The following FNDC3A variants were observed in gnomAD, a reference collection of about 807,000 sequenced individuals.
FNDC3A encodes fibronectin type-III domain-containing protein 3A.
FNDC3A carries 32 observed loss-of-function variants against 148.9 expected under a neutral mutation model. That is an observed-to-expected ratio of 0.21 (90% CI 0.16 to 0.29). The LOEUF (loss-of-function observed/expected upper bound fraction) is 0.29, where lower values mean the gene tolerates loss of function less well. Among genes scored for constraint, FNDC3A ranks in the 10% least tolerant of loss-of-function variants. The probability of loss-of-function intolerance (pLI) is 1.00; values close to 1 mark genes in which losing one functional copy is unlikely to be tolerated. For missense variants in FNDC3A, 1,191 were observed against 1,452.8 expected (o/e 0.82, Z 2.93); for synonymous variants, 472 against 473.6 (o/e 1.00, Z 0.04).
Position 49,145,839 on chromosome 13 carries a change from A to G in FNDC3A, c.881A>G (p.Asn294Ser), listed in dbSNP as rs765196205. ...TGGTCACCACCTTCCAGCCTCATTAATGGTGAAACAGATGAAAGTAGTGTA... is the reference window on the plus strand; with the variant it reads ...TGGTCACCACCTTCCAGCCTCATTAGTGGTGAAACAGATGAAAGTAGTGTA... ...LTWSPPSSLI[N>S]GETDESSVPE... Residue 294 changes from asparagine to serine, a missense_variant, in exon 8 of 26, where the codon AAT (asparagine) becomes AGT (serine). Coordinates refer to ENST00000492622, the MANE Select transcript of FNDC3A (RefSeq NM_001079673.2). 13 of 1,613,598 alleles carry G rather than the reference A, an allele frequency of 8.1e-6. No homozygotes were observed. The Middle Eastern group carries it at 8.2e-4, about 102-fold the overall frequency.
intron 8 of FNDC3A, among the ~76,000 whole-genome samples, chr13:49,155,195 C>T (rs1208935307): frequency 6.6e-6 from 1 of 151,944 alleles, no homozygotes; most frequent in Non-Finnish European, 1.5e-5. Flanking sequence ...ACAATTTCAG[C>T]TCCTGTTATT....
In FNDC3A at chr13:49,200,698, G is replaced by A. The variant is rs530232486; in HGVS notation, c.2988-1102G>A. On this transcript the variant is annotated intron_variant, in intron 23 of 25. Transcript: ENST00000492622. Reference sequence around the variant, plus strand: ...CTAGCATCTAGAGAATTGTTATGGGGTATGAATATGGCTCATGGCCTTTGG... The same window carrying A: ...CTAGCATCTAGAGAATTGTTATGGGATATGAATATGGCTCATGGCCTTTGG... Among the ~76,000 whole-genome samples, 157 of 152,086 alleles carry A rather than the reference G, an allele frequency of 1.0e-3. 1 individual carries two copies. The highest frequency in any genetic ancestry group is 3.6e-3 in the African/African-American group (148 of 41,514).
At chr13:49,160,472 T>C (rs1266921730) in intron 8 of FNDC3A, among the ~76,000 whole-genome samples, 1 of 152,218 alleles carries the variant, frequency 6.6e-6, no homozygotes, top group African/African-American at 2.4e-5. Flanking sequence ...ATATCCCCTT[T>C]ATCATTTTTT....
intron 2 of FNDC3A, among the ~76,000 whole-genome samples, chr13:49,018,340 A>T (rs1017819610): frequency 6.6e-6 from 1 of 151,826 alleles, no homozygotes; most frequent in African/African-American, 2.4e-5. Context: ...TTCTCGCTTC[A>T]TTTCATTCAC....
At chr13:49,055,259 A>G (rs1382459170) in intron 2 of FNDC3A, among the ~76,000 whole-genome samples, 1 of 152,006 alleles carries the variant, frequency 6.6e-6, no homozygotes, top group East Asian at 1.9e-4. Flanking sequence ...ATGCACCACT[A>G]CACCCAGCTA....
At chr13:49,190,819 T>C (rs1024811619) in intron 17 of FNDC3A, among the ~76,000 whole-genome samples, 196 bp from the exon 18 acceptor site, 1 of 152,254 alleles carries the variant, frequency 6.6e-6, no homozygotes, top group African/African-American at 2.4e-5. Flanking sequence ...TCTTTCTTTG[T>C]CTATGAAAAT....
chr13:49,018,248 G>A (rs368611262), intron 2 of FNDC3A, among the ~76,000 whole-genome samples: 35 of 152,148 alleles, frequency 2.3e-4, no homozygotes, highest in Non-Finnish European at 4.7e-4. Flanking sequence ...CCAATCAGAC[G>A]TAGATTTGGT....
intron 3 of FNDC3A, among the ~76,000 whole-genome samples, chr13:49,112,700 A>G (rs528710564): frequency 6.6e-6 from 1 of 152,280 alleles, no homozygotes; most frequent in South Asian, 2.1e-4. Context: ...TCCCACTTCT[A>G]CCACTTGGGG....
chr13:49,030,646 TA>T (rs1874043582), intron 2 of FNDC3A, among the ~76,000 whole-genome samples: 1 of 152,276 alleles, frequency 6.6e-6, no homozygotes, highest in East Asian at 1.9e-4. Context: ...TTGGAACTAA[TA>T]AACAAGTTCA....
At chr13:49,101,364 C>T (rs1879845779) in intron 3 of FNDC3A, among the ~76,000 whole-genome samples, 2 of 152,100 alleles carry the variant, frequency 1.3e-5, no homozygotes, top group African/African-American at 2.4e-5. Flanking sequence ...CACTTTAATA[C>T]TGCCACAAGA....
intron 5 of FNDC3A, among the ~76,000 whole-genome samples, chr13:49,131,771 G>A (rs1882051380): frequency 6.6e-6 from 1 of 152,150 alleles, no homozygotes; most frequent in Non-Finnish European, 1.5e-5. Flanking sequence ...AACAGGATAA[G>A]CCATAACCTC....
At chr13:49,098,971 A>G (rs1879697209) in intron 3 of FNDC3A, among the ~76,000 whole-genome samples, 1 of 152,116 alleles carries the variant, frequency 6.6e-6, no homozygotes, top group African/African-American at 2.4e-5. Flanking sequence ...GTGAGTTCCT[A>G]GATCAAGGCT....
At chr13:49,060,150 A>G (rs948882738) in intron 2 of FNDC3A, among the ~76,000 whole-genome samples, 2 of 152,222 alleles carry the variant, frequency 1.3e-5, no homozygotes, top group East Asian at 1.9e-4. Context: ...TTATTCCACA[A>G]GTACTATGTG....
chr13:49,054,060 G>A (rs1347167669), intron 2 of FNDC3A, among the ~76,000 whole-genome samples: 1 of 152,090 alleles, frequency 6.6e-6, no homozygotes, highest in Non-Finnish European at 1.5e-5. Flanking sequence ...TGTTAATGCT[G>A]GTCAGTTGTG....
At chr13:49,031,645 A>G (rs1290863121) in intron 2 of FNDC3A, among the ~76,000 whole-genome samples, 2 of 152,180 alleles carry the variant, frequency 1.3e-5, no homozygotes, top group African/African-American at 4.8e-5. Flanking sequence ...AAAATCAATT[A>G]AAATCCTAAA....
intron 2 of FNDC3A, among the ~76,000 whole-genome samples, chr13:49,021,073 A>G (rs745990786): frequency 6.6e-6 from 1 of 152,228 alleles, no homozygotes; most frequent in Non-Finnish European, 1.5e-5. Flanking sequence ...TGGGAAAAAA[A>G]TGTTAGTAAT....
At chr13:49,041,044 A>T (rs1489545899) in intron 2 of FNDC3A, among the ~76,000 whole-genome samples, 1 of 152,228 alleles carries the variant, frequency 6.6e-6, no homozygotes, top group Admixed American at 6.5e-5. Flanking sequence ...GTAAAATAGC[A>T]TAGGAATCCA....
At chr13:49,103,913 C>G (rs1193613999) in intron 3 of FNDC3A, among the ~76,000 whole-genome samples, 1 of 152,050 alleles carries the variant, frequency 6.6e-6, no homozygotes, top group African/African-American at 2.4e-5. Flanking sequence ...GAATGATAAT[C>G]TTTCATGAGA....
chr13:49,182,941 A>G (rs1410796263), intron 14 of FNDC3A, among the ~76,000 whole-genome samples: 1 of 152,168 alleles, frequency 6.6e-6, no homozygotes, highest in African/African-American at 2.4e-5. Context: ...CATATTATGT[A>G]TATAACTGCC....
Sources: gnomAD v4.1 joint callset for allele counts (sites outside exome capture counted in the v4.1 genomes callset) on GRCh38, gnomAD v4.1.1 for gene constraint, MANE v1.5 for transcripts, NCBI Gene and HGNC (gene_info 2026-07-23, HGNC 2026-07-21) for gene names.